The following SDC2 variants were observed in gnomAD, a reference collection of about 807,000 sequenced individuals.
SDC2 encodes the protein syndecan 2.
SDC2 carries 13 observed loss-of-function variants against 22.2 expected under a neutral mutation model. The observed-to-expected ratio is 0.59, with a 90% CI of 0.38 to 0.93. The LOEUF (loss-of-function observed/expected upper bound fraction) is 0.93, where lower values mean the gene tolerates loss of function less well. Ranked by LOEUF, SDC2 falls within the 40% of genes least tolerant of loss-of-function variation. SDC2 has a pLI of 0.00. For synonymous variants in SDC2, 94 were observed against 92.8 expected (o/e 1.01, Z -0.07); for missense variants, 235 against 246.8 (o/e 0.95, Z 0.32).
intron 1 of SDC2, chr8:96,580,640 C>A: frequency 2.0e-6 from 1 of 508,286 alleles, no homozygotes; most frequent in South Asian, 8.6e-5. Context: ...GGGCATGGGA[C>A]AGGGCCCAAG....
At chr8:96,600,180 T>C (rs1198355490) in intron 2 of SDC2, among the ~76,000 whole-genome samples, 1 of 152,088 alleles carries the variant, frequency 6.6e-6, no homozygotes, top group African/African-American at 2.4e-5. Context: ...ACCATGGCCA[T>C]TGCACATGTT....
At chr8:96,586,764 G>C (rs1814693961) in intron 1 of SDC2, among the ~76,000 whole-genome samples, 2 of 152,218 alleles carry the variant, frequency 1.3e-5, no homozygotes, top group African/African-American at 4.8e-5. Context: ...TTTTGGCTTT[G>C]GGTTTGTTTT....
intron 2 of SDC2, among the ~76,000 whole-genome samples, chr8:96,598,174 G>A (rs910664110): frequency 2.0e-5 from 3 of 152,034 alleles, no homozygotes; most frequent in Non-Finnish European, 4.4e-5. Flanking sequence ...TTTCCGAAGG[G>A]CACTAATTCC....
chr8:96,528,491 C>T (rs1328098740), intron 1 of SDC2, among the ~76,000 whole-genome samples: 2 of 152,122 alleles, frequency 1.3e-5, no homozygotes, highest in Non-Finnish European at 2.9e-5. Flanking sequence ...AGATTTTCAA[C>T]ACTTTCTAAA....
chr8:96,580,820 G>A (rs1021864298), intron 1 of SDC2, among the ~76,000 whole-genome samples: 3 of 152,150 alleles, frequency 2.0e-5, no homozygotes, highest in African/African-American at 7.2e-5. Flanking sequence ...TGCAGGAATG[G>A]GGTACCCTAT....
Position 96,494,339 on chromosome 8 carries a change from G to A in SDC2, c.60+8G>A. ...TGCGTGTCGGCGGAGTCGGTGAGTG[G>A]GCCAGGCGGAGGATGCGCGCGCCGT... On this transcript the variant is annotated splice_region_variant and intron_variant, in intron 1 of 4. Coordinates refer to ENST00000302190, the MANE Select transcript of SDC2 (RefSeq NM_002998.4). 6.5e-7 allele frequency: 1 copy of A among 1,540,578 alleles called. No homozygotes were observed. The highest frequency in any genetic ancestry group is 8.7e-7 in the Non-Finnish European group (1 of 1,147,776).
intron 1 of SDC2, among the ~76,000 whole-genome samples, chr8:96,538,000 G>A (rs2130504002): frequency 6.6e-6 from 1 of 152,258 alleles, no homozygotes; most frequent in Non-Finnish European, 1.5e-5. Flanking sequence ...GTCTCGCTCT[G>A]TCGCCAGGCT....
Position 96,509,316 on chromosome 8 carries a change from G to A in SDC2, c.60+14985G>A, listed in dbSNP as rs750035071. On this transcript the variant is annotated intron_variant, in intron 1 of 4. Transcript: ENST00000302190. ...TAGACTCTCAGTGTTGATGATGATT[G>A]AAATGGACAGCTAATTGGATGTACT... is the stretch of plus-strand genomic sequence containing the variant. Among the ~76,000 whole-genome samples the A allele has an allele frequency of 4.2e-5, 6 of 142,306 alleles. 1 individual carries two copies. Among genetic ancestry groups the A allele is most frequent in the Non-Finnish European group, 8.0e-5 (5 of 62,386 alleles). The allele number at this position is 142,306 out of a possible 152,430, so 93.4% of individuals were successfully genotyped here. A position where few individuals can be genotyped will look rare whatever the true frequency, so the allele number is the denominator to read the frequency against.
chr8:96,592,483 T>C (rs573267514), intron 1 of SDC2, among the ~76,000 whole-genome samples: 30 of 152,254 alleles, frequency 2.0e-4, no homozygotes, highest in Non-Finnish European at 4.0e-4. Flanking sequence ...CAAGCGTTGT[T>C]TAAAAGCTGC....
chr8:96,539,851 G>T (rs985815889), intron 1 of SDC2, among the ~76,000 whole-genome samples: 3 of 151,992 alleles, frequency 2.0e-5, no homozygotes, highest in African/African-American at 4.8e-5. Context: ...CTGGAGCAAG[G>T]TATAATTTAA....
chr8:96,547,102 A>G (rs1387481582), intron 1 of SDC2, among the ~76,000 whole-genome samples: 1 of 152,242 alleles, frequency 6.6e-6, no homozygotes. Flanking sequence ...CCATTTCTAA[A>G]TGGCCTATTG....
At chr8:96,534,332 G>A (rs1012080410) in intron 1 of SDC2, among the ~76,000 whole-genome samples, 3 of 152,350 alleles carry the variant, frequency 2.0e-5, no homozygotes, top group South Asian at 2.1e-4. Context: ...GAGGTGCTGA[G>A]AGCAAGTGAG....
intron 1 of SDC2, among the ~76,000 whole-genome samples, chr8:96,494,582 C>T (rs775916005): frequency 1.3e-5 from 2 of 152,236 alleles, no homozygotes; most frequent in South Asian, 4.1e-4. Flanking sequence ...TTGGTCTAGC[C>T]GCAGAGGCCC....
In SDC2 at chr8:96,576,709, G is replaced by A. The variant is rs570874656; in HGVS notation, c.61-16771G>A. 3.8e-4 allele frequency among the ~76,000 whole-genome samples: 58 copies of A among 151,482 alleles called. 1 individual carries two copies. The highest frequency in any genetic ancestry group is 1.2e-3 in the African/African-American group (48 of 41,240). On this transcript the variant is annotated intron_variant, in intron 1 of 4. Transcript: ENST00000302190. The stretch of plus-strand genomic sequence containing the variant: ...GTTGGGATTACAGGCGTGAGCCACC[G>A]CGCCCGGCCTATTCTCTTTATATAC...
At chr8:96,535,770 C>T (rs180742855) in intron 1 of SDC2, among the ~76,000 whole-genome samples, 1 of 152,288 alleles carries the variant, frequency 6.6e-6, no homozygotes, top group East Asian at 1.9e-4. Flanking sequence ...AAAATATTGT[C>T]TTCCATACCT....
intron 1 of SDC2, among the ~76,000 whole-genome samples, chr8:96,568,204 G>C (rs887200743): frequency 6.6e-6 from 1 of 152,206 alleles, no homozygotes; most frequent in Admixed American, 6.5e-5. Context: ...CTCTTCCTCA[G>C]AAGTTCTTAA....
chr8:96,540,445 G>A (rs1431242946), intron 1 of SDC2, among the ~76,000 whole-genome samples: 1 of 136,824 alleles, frequency 7.3e-6, no homozygotes, highest in African/African-American at 2.6e-5. Context: ...GGGAGGTGGA[G>A]GTTGCAGTGA....
At chr8:96,601,985 C>T (rs1271493701) in intron 2 of SDC2, among the ~76,000 whole-genome samples, 5 of 152,104 alleles carry the variant, frequency 3.3e-5, no homozygotes, top group Non-Finnish European at 7.3e-5. Context: ...GTCTCGATCT[C>T]CTGACCTCGT....
At chr8:96,515,555 C>A (rs1228965178) in intron 1 of SDC2, among the ~76,000 whole-genome samples, 1 of 152,140 alleles carries the variant, frequency 6.6e-6, no homozygotes, top group African/African-American at 2.4e-5. Context: ...CTGTTAGAGA[C>A]AGGAAACAAC....
Sources: gnomAD v4.1 joint callset for allele counts (sites outside exome capture counted in the v4.1 genomes callset) on GRCh38, gnomAD v4.1.1 for gene constraint, MANE v1.5 for transcripts, NCBI Gene and HGNC (gene_info 2026-07-23, HGNC 2026-07-21) for gene names.